Variants in MRPS25 observed in about 807,000 individuals in gnomAD.
MRPS25 encodes mitochondrial ribosomal protein S25.
In MRPS25, 15 loss-of-function variants were observed where a neutral mutation model predicts 17.3. That is an observed-to-expected ratio of 0.87 (90% CI 0.58 to 1.34). The LOEUF is 1.34. Among genes scored for constraint, MRPS25 ranks in the 40% most tolerant of loss-of-function variants. MRPS25 has a pLI of 0.00. For missense variants in MRPS25, 225 were observed against 218.6 expected, an observed-to-expected ratio of 1.03 and a Z score of -0.19; for synonymous variants, 94 against 83.3, an observed-to-expected ratio of 1.13 and a Z score of -0.70.
chr3:15,058,857 A>AC, intron 2 of MRPS25, among the ~76,000 whole-genome samples: 1 of 152,058 alleles, frequency 6.6e-6, no homozygotes, highest in East Asian at 1.9e-4. Context: ...AATAAACATC[A>AC]CTTAGCGCCT....
chr3:15,052,334 CAG>C lies in MRPS25; in HGVS notation c.*105_*106del, dbSNP rs1178557464. 2 of 1,500,802 alleles carry C rather than the reference CAG, an allele frequency of 1.3e-6. No individual in the cohort carries two copies. The highest frequency in any genetic ancestry group is 1.8e-6 in the Non-Finnish European group (2 of 1,126,274). 93.0% of individuals were successfully genotyped at this position (1,500,802 alleles called of 1,614,324 possible). On this transcript the variant is annotated 3_prime_UTR_variant, in exon 4 of 4. Coordinates refer to ENST00000253686, the MANE Select transcript of MRPS25 (RefSeq NM_022497.5). The stretch of plus-strand genomic sequence containing the variant: ...AGTCCTTTTAATGCAAAAGGATTTC[CAG>C]AGTCTCCAGGGACAGAACCAGGGGC...
In MRPS25 at chr3:15,049,917, TG is replaced by T; in HGVS notation, c.*2523del. ...CCACAGCAGATGATACAGGTTTAGA[TG>T]GTGCTGCCAGGTAGTGCCTCAAAGA... On this transcript the variant is annotated 3_prime_UTR_variant, in exon 4 of 4. Coordinates refer to ENST00000253686, the MANE Select transcript of MRPS25 (RefSeq NM_022497.5). 6.5e-7 allele frequency: 1 copy of T among 1,533,158 alleles called. No individual in the cohort carries two copies. Among genetic ancestry groups the T allele is most frequent in the Middle Eastern group, 1.7e-4 (1 of 5,986 alleles). 95.0% of individuals were successfully genotyped at this position (1,533,158 alleles called of 1,614,324 possible).
intron 2 of MRPS25, among the ~76,000 whole-genome samples, chr3:15,054,070 CAT>C (rs2042640488): frequency 6.6e-6 from 1 of 152,070 alleles, no homozygotes. Context: ...GCCTGGCCAA[CAT>C]AGTGAAACCC....
chr3:15,042,806 C>T (rs758299601), downstream of MRPS25: 6 of 1,605,540 alleles, frequency 3.7e-6, no homozygotes, highest in Admixed American at 3.4e-5. Context: ...CAAACAGTCT[C>T]CTTTTCTAAT....
rs1312393851 is a variant in MRPS25, at chr3:15,065,067, C to A, written c.128G>T (p.Gly43Val). 3.1e-6 allele frequency: 5 copies of A among 1,589,496 alleles called. No individual in the cohort carries two copies. In the Admixed American group the frequency reaches 8.9e-5, roughly 28 times the overall value. ...NYNTHGELGE[G>V]ARKFVFFNIP... ...GGCCGGGGCTGCGACTGACCTGGCG[C>A]CCTCGCCCAGCTCCCCATGCGTGTT... is the stretch of plus-strand genomic sequence containing the variant. Residue 43 changes from glycine (G) to valine (V), a missense_variant, in exon 1 of 4, where the codon GGC becomes GTC. Gly to Val is a moderately radical substitution (Grantham distance 109). Coordinates refer to ENST00000253686, the MANE Select transcript of MRPS25 (RefSeq NM_022497.5).
chr3:15,043,050 G>A, downstream of MRPS25: 1 of 1,564,946 alleles, frequency 6.4e-7, no homozygotes, highest in Non-Finnish European at 8.7e-7. Context: ...AATCCTTCCA[G>A]GACCGTTCAC....
chr3:15,053,674 A>T, intron 2 of MRPS25: 2 of 621,546 alleles, frequency 3.2e-6, no homozygotes, highest in Non-Finnish European at 5.7e-6. Context: ...ATGTAAAAAA[A>T]CATGCCATTT....
In MRPS25 at chr3:15,049,216, TG is replaced by T. The variant is rs1345295484; in HGVS notation, c.*3224del. On this transcript the variant is annotated 3_prime_UTR_variant, in exon 4 of 4. Coordinates refer to ENST00000253686, the MANE Select transcript of MRPS25 (RefSeq NM_022497.5). ...CTGTTTCAATGTGGCATTATTGTTG[TG>T]GCTTAATACTACTACCTAAATGAGG... 2.0e-5 allele frequency: 3 copies of T among 152,706 alleles called. No homozygotes were observed. The highest frequency in any genetic ancestry group is 7.2e-5 in the African/African-American group (3 of 41,466). 9.5% of individuals were successfully genotyped at this position (152,706 alleles called of 1,614,324 possible).
chr3:15,064,074 C>T (rs2042820130), intron 1 of MRPS25, among the ~76,000 whole-genome samples: 1 of 152,168 alleles, frequency 6.6e-6, no homozygotes, highest in South Asian at 2.1e-4. Context: ...AGTGAAGGTC[C>T]GTCACCAAGG....
rs1002606202 is a variant in MRPS25 at position 15,052,303 on chromosome 3, G to A, written c.*138C>T. Reference sequence around the variant, plus strand: ...CTCTCCCACATCCTTTTACACAGGTGTGTAAAGTCCTTTTAATGCAAAAGG... The same window carrying A: ...CTCTCCCACATCCTTTTACACAGGTATGTAAAGTCCTTTTAATGCAAAAGG... On this transcript the variant is annotated 3_prime_UTR_variant, in exon 4 of 4. Coordinates refer to ENST00000253686, the MANE Select transcript of MRPS25 (RefSeq NM_022497.5). 60 of 1,458,162 alleles carry A rather than the reference G, an allele frequency of 4.1e-5. No homozygotes were observed. The highest frequency in any genetic ancestry group is 5.0e-5 in the Non-Finnish European group (55 of 1,108,028). The allele number at this position is 1,458,162 out of a possible 1,614,324, so 90.3% of individuals were successfully genotyped here.
At chr3:15,057,715 G>A (rs773982279) in intron 2 of MRPS25, among the ~76,000 whole-genome samples, 12 of 152,266 alleles carry the variant, frequency 7.9e-5, no homozygotes, top group Non-Finnish European at 1.5e-4. Context: ...ATATAACAAC[G>A]GCCAGTACCC....
chr3:15,050,427 G>A lies in MRPS25; in HGVS notation c.*2014C>T. 1.0e-6 allele frequency: 1 copy of A among 999,686 alleles called. No individual in the cohort carries two copies. Among genetic ancestry groups the A allele is most frequent in the Non-Finnish European group, 1.2e-6 (1 of 840,434 alleles). The allele number at this position is 999,686 out of a possible 1,614,324, so 61.9% of individuals were successfully genotyped here. ...TTCCTGCTGGTTAGCAGCCTCTTTG[G>A]GCCCTAGAGGGAAGGAATACTCTCA... On this transcript the variant is annotated 3_prime_UTR_variant, in exon 4 of 4. Coordinates refer to ENST00000253686, the MANE Select transcript of MRPS25 (RefSeq NM_022497.5).
chr3:15,056,336 G>A (rs989072849), intron 2 of MRPS25, among the ~76,000 whole-genome samples: 4 of 152,228 alleles, frequency 2.6e-5, no homozygotes, highest in Non-Finnish European at 5.9e-5. Flanking sequence ...CACCCAATGG[G>A]ATGGCCAAAA....
intron 3 of MRPS25, 183 bp downstream of exon 3, chr3:15,053,197 G>C (rs998175213): frequency 1.6e-5 from 22 of 1,350,262 alleles, no homozygotes; most frequent in Non-Finnish European, 2.2e-5. Context: ...GCTTACAGAG[G>C]TTTAATGATT....
intron 2 of MRPS25, among the ~76,000 whole-genome samples, chr3:15,056,479 C>G (rs1177351385): frequency 6.6e-6 from 1 of 152,194 alleles, no homozygotes; most frequent in South Asian, 2.1e-4. Flanking sequence ...GGAGAGGATC[C>G]TGGATCATCC....
At chr3:15,056,823 T>C (rs1033372914) in intron 2 of MRPS25, among the ~76,000 whole-genome samples, 1 of 152,206 alleles carries the variant, frequency 6.6e-6, no homozygotes, top group Non-Finnish European at 1.5e-5. Flanking sequence ...GGGACATTAA[T>C]ACAACAATAT....
intron 3 of MRPS25, among the ~76,000 whole-genome samples, chr3:15,053,130 C>T (rs566688136): frequency 2.6e-5 from 4 of 152,294 alleles, no homozygotes; most frequent in South Asian, 2.1e-4. Context: ...TTCAGCTTCC[C>T]GTCCCCCGCA....
At chr3:15,047,339 C>T (rs2042492169), downstream of MRPS25, 1 of 152,214 alleles carries the variant, frequency 6.6e-6, no homozygotes, top group African/African-American at 2.4e-5. Context: ...AGAAGAGGTT[C>T]TGACAGGGTG....
At chr3:15,043,136 T>A (rs1013573355), downstream of MRPS25, 25 of 829,422 alleles carry the variant, frequency 3.0e-5, no homozygotes, top group Non-Finnish European at 4.2e-5. Flanking sequence ...TGGTTTCTCC[T>A]TATCTGTTAA....
Sources: gnomAD v4.1 joint callset for allele counts (sites outside exome capture counted in the v4.1 genomes callset) on GRCh38, gnomAD v4.1.1 for gene constraint, MANE v1.5 for transcripts, NCBI Gene and HGNC (gene_info 2026-07-23, HGNC 2026-07-21) for gene names.